Variants in SOX5 observed in about 807,000 individuals in gnomAD.
The protein encoded by SOX5 is transcription factor SOX-5.
SOX5 carries 9 observed loss-of-function variants against 92.0 expected under a neutral mutation model. That is an observed-to-expected ratio of 0.10 (90% confidence interval 0.06 to 0.17). The LOEUF is 0.17. SOX5 is among the 10% of genes least tolerant of loss of function. The pLI is 1.00. For synonymous variants in SOX5, 344 were observed against 336.3 expected (o/e 1.02, Z -0.25); for missense variants, 642 against 944.5 (o/e 0.68, Z 4.20).
In SOX5 at chr12:24,213,419, T is replaced by TAAAAAAAAAAAAAAA. The variant is rs67296842; in HGVS notation, c.-76-17_-76-3dup. The TAAAAAAAAAAAAAAA allele has an allele frequency of 5.1e-4, 49 of 96,820 alleles. 1 individual carries two copies. Among genetic ancestry groups the TAAAAAAAAAAAAAAA allele is most frequent in the South Asian group, 7.2e-4 (2 of 2,766 alleles). The allele number at this position is 96,820 out of a possible 1,614,324, so 6.0% of individuals were successfully genotyped here. A position where few individuals can be genotyped will look rare whatever the true frequency, so the allele number is the denominator to read the frequency against. ...TGATATTATCTATTTCTTGAAATGCTAAAAAAAAAAAAAAAAAAAAGAAAA... is the reference window on the plus strand; with the variant it reads ...TGATATTATCTATTTCTTGAAATGCTAAAAAAAAAAAAAAAAAAAAAAAAAAAAAAAAAAAGAAAA... On this transcript the variant is annotated splice_polypyrimidine_tract_variant and splice_region_variant and intron_variant, in intron 3 of 4. Coordinates refer to the SOX5 transcript ENST00000446891.
chr12:23,970,508 C>T (rs1175592336), intron 4 of SOX5, among the ~76,000 whole-genome samples: 1 of 151,674 alleles, frequency 6.6e-6, no homozygotes, highest in Non-Finnish European at 1.5e-5. Flanking sequence ...TATGAATTTG[C>T]CTATTATATA....
At chr12:24,167,598 T>C (rs1953568251) in intron 4 of SOX5, among the ~76,000 whole-genome samples, 1 of 152,222 alleles carries the variant, frequency 6.6e-6, no homozygotes, top group East Asian at 1.9e-4. Flanking sequence ...CTTGAGAATA[T>C]ATCACAAAGC....
At chr12:24,274,103 G>A (rs1944130782) in intron 3 of SOX5, among the ~76,000 whole-genome samples, 1 of 152,126 alleles carries the variant, frequency 6.6e-6, no homozygotes, top group Admixed American at 6.5e-5. Context: ...AAATTTTACA[G>A]TTGTATGCAA....
intron 2 of SOX5, among the ~76,000 whole-genome samples, chr12:24,318,053 A>T (rs1004943013): frequency 1.4e-4 from 21 of 152,090 alleles, no homozygotes; most frequent in Admixed American, 5.9e-4. Context: ...TCTACTAAAA[A>T]TACAAAAATT....
chr12:23,858,732 C>A (rs1320227379), intron 2 of SOX5, among the ~76,000 whole-genome samples: 1 of 152,140 alleles, frequency 6.6e-6, no homozygotes, highest in African/African-American at 2.4e-5. Flanking sequence ...TCTACAGAAA[C>A]CTGCATGTGA....
intron 3 of SOX5, among the ~76,000 whole-genome samples, chr12:24,223,702 C>T (rs1961097313): frequency 6.6e-6 from 1 of 152,126 alleles, no homozygotes. Flanking sequence ...CTGCAGTGAG[C>T]TATGATCACA....
At chr12:24,041,509 A>G (rs1956520805) in intron 4 of SOX5, among the ~76,000 whole-genome samples, 1 of 152,166 alleles carries the variant, frequency 6.6e-6, no homozygotes, top group Non-Finnish European at 1.5e-5. Context: ...AAAGGCTACA[A>G]ATTTACAATA....
At chr12:24,180,821 A>C (rs994788995) in intron 4 of SOX5, among the ~76,000 whole-genome samples, 1 of 152,212 alleles carries the variant, frequency 6.6e-6, no homozygotes, top group South Asian at 2.1e-4. Flanking sequence ...AACTATTTTC[A>C]TATAGGAAAA....
At chr12:24,009,396 G>A (rs1952661921) in intron 4 of SOX5, among the ~76,000 whole-genome samples, 1 of 151,410 alleles carries the variant, frequency 6.6e-6, no homozygotes, top group Non-Finnish European at 1.5e-5. Context: ...CACTGCTTGT[G>A]TGGTCTTATA....
intron 3 of SOX5, among the ~76,000 whole-genome samples, chr12:24,251,867 T>G (rs1940137404): frequency 6.6e-6 from 1 of 151,992 alleles, no homozygotes; most frequent in Non-Finnish European, 1.5e-5. Context: ...CTACTGTGCC[T>G]GGCCAGATTT....
At chr12:24,426,779 A>G (rs1186471699) in intron 1 of SOX5, among the ~76,000 whole-genome samples, 2 of 152,132 alleles carry the variant, frequency 1.3e-5, no homozygotes, top group Non-Finnish European at 2.9e-5. Flanking sequence ...GTTGCAGTAC[A>G]CTACTAAGTC....
intron 1 of SOX5, among the ~76,000 whole-genome samples, chr12:24,439,713 T>C (rs1025055463): frequency 2.6e-5 from 4 of 152,032 alleles, no homozygotes; most frequent in African/African-American, 9.6e-5. Flanking sequence ...GCTAACACAG[T>C]GAAACCCCGT....
intron 3 of SOX5, among the ~76,000 whole-genome samples, chr12:23,758,388 G>T (rs1378487013): frequency 6.9e-6 from 1 of 144,110 alleles, no homozygotes; most frequent in African/African-American, 2.5e-5. Flanking sequence ...CTTGAACTAA[G>T]TTTTTTTTTT....
At chr12:24,554,391 T>G (rs967062240) in intron 1 of SOX5, among the ~76,000 whole-genome samples, 5 of 152,146 alleles carry the variant, frequency 3.3e-5, no homozygotes, top group Non-Finnish European at 7.4e-5. Context: ...AAACGTAAGT[T>G]TGTCAGTCTT....
chr12:23,949,766 G>A (rs61910016), upstream of SOX5: 1 of 472,192 alleles, frequency 2.1e-6, no homozygotes, highest in Admixed American at 5.6e-5. Context: ...CTCTCTCTCT[G>A]TCTCTCTCTC....
intron 4 of SOX5, among the ~76,000 whole-genome samples, chr12:24,165,772 G>T (rs1953329144): frequency 6.6e-6 from 1 of 152,006 alleles, no homozygotes. Context: ...GAGAAAGAAA[G>T]GGCTGTAGAA....
intron 3 of SOX5, among the ~76,000 whole-genome samples, chr12:23,836,384 G>A (rs911169677): frequency 6.6e-6 from 1 of 151,558 alleles, no homozygotes; most frequent in East Asian, 1.9e-4. Context: ...GTAATGACAG[G>A]GAAAACTTCT....
At chr12:24,275,957 T>C (rs911934012) in intron 3 of SOX5, among the ~76,000 whole-genome samples, 3 of 152,260 alleles carry the variant, frequency 2.0e-5, no homozygotes, top group Admixed American at 1.3e-4. Context: ...ATTAGTTATA[T>C]TCCTTATTAA....
chr12:23,832,496 GA>G (rs1430036697), intron 3 of SOX5, among the ~76,000 whole-genome samples: 1 of 151,966 alleles, frequency 6.6e-6, no homozygotes, highest in Non-Finnish European at 1.5e-5. Flanking sequence ...ATGTATAAAG[GA>G]GAATTATATT....
Sources: allele counts gnomAD v4.1 joint callset (sites outside exome capture counted in the v4.1 genomes callset), GRCh38; gene constraint gnomAD v4.1.1; transcripts MANE v1.5; gene names NCBI Gene and HGNC (gene_info 2026-07-23, HGNC 2026-07-21).